ZNF140: variants seen among roughly 807,000 people sequenced by gnomAD.
ZNF140 encodes zinc finger protein 140, also known as zinc finger protein 140 (clone pHZ-39).
A neutral mutation model predicts 12.9 loss-of-function variants in ZNF140; 13 were observed. That is an observed-to-expected ratio of 1.01 (90% CI 0.66 to 1.60). The LOEUF (loss-of-function observed/expected upper bound fraction) is 1.60, where lower values mean the gene tolerates loss of function less well. Among genes scored for constraint, ZNF140 ranks in the 40% most tolerant of loss-of-function variants. The pLI is 0.00. For synonymous variants in ZNF140, 214 were observed against 186.7 expected (o/e 1.15, Z -1.19); for missense variants, 531 against 548.8 (o/e 0.97, Z 0.32).
rs1955628897 is a variant in ZNF140 at position 133,107,156 on chromosome 12, A to C, written c.*505A>C. The C allele has an allele frequency of 6.5e-6, 1 of 152,758 alleles. No individual in the cohort carries two copies. The highest frequency in any genetic ancestry group is 1.5e-5 in the Non-Finnish European group (1 of 68,462). The allele number at this position is 152,758 out of a possible 1,614,324, so 9.5% of individuals were successfully genotyped here. A position where few individuals can be genotyped will look rare whatever the true frequency, so the allele number is the denominator to read the frequency against. On this transcript the variant is annotated 3_prime_UTR_variant, in exon 5 of 5. Coordinates refer to ENST00000355557, the MANE Select transcript of ZNF140 (RefSeq NM_003440.4). ...TTGGGAATGCCTTCATTTACAATGC[A>C]ATACTTACATTTTAATACTCTTGTA... is the stretch of plus-strand genomic sequence containing the variant.
intron 4 of ZNF140, among the ~76,000 whole-genome samples, chr12:133,088,517 A>G (rs2137504007): frequency 1.3e-5 from 2 of 152,342 alleles, no homozygotes; most frequent in South Asian, 4.1e-4. Context: ...CTACTTAAGG[A>G]CATTGTGGTT....
Position 133,100,160 on chromosome 12 carries a change from G to GTTTTTTTTTTTTTTTT in ZNF140, c.233-5338_233-5323dup, listed in dbSNP as rs58610589. ...CATCCAAAAATTTAATGCCTTTTCC[G>GTTTTTTTTTTTTTTTT]TTTTTTTTTTTTTTTTTTTTTTTTT... is the stretch of plus-strand genomic sequence containing the variant. On this transcript the variant is annotated intron_variant, in intron 4 of 4. Coordinates refer to ENST00000355557, the MANE Select transcript of ZNF140 (RefSeq NM_003440.4). 4.9e-5 allele frequency among the ~76,000 whole-genome samples: 3 copies of GTTTTTTTTTTTTTTTT among 60,978 alleles called. 1 individual carries two copies. The highest frequency in any genetic ancestry group is 2.4e-4 in the African/African-American group (3 of 12,612). 40.0% of individuals were successfully genotyped at this position (60,978 alleles called of 152,430 possible).
At chr12:133,094,042 A>C (rs1291385101) in intron 4 of ZNF140, among the ~76,000 whole-genome samples, 1 of 151,154 alleles carries the variant, frequency 6.6e-6, no homozygotes, top group Admixed American at 6.6e-5. Flanking sequence ...TTTCCCAAAT[A>C]ATGAAAAGGA....
At chr12:133,081,249 A>T in intron 1 of ZNF140, 24 bp from the exon 2 acceptor site, 2 of 1,414,736 alleles carry the variant, frequency 1.4e-6, no homozygotes, top group Non-Finnish European at 9.7e-7. Flanking sequence ...CTGTTCGCTC[A>T]GGGCTCCTTT....
At chr12:133,097,026 G>T (rs369283612) in intron 4 of ZNF140, among the ~76,000 whole-genome samples, 2,407 of 152,286 alleles carry the variant, frequency 0.016, 51 homozygotes, top group African/African-American at 0.054. Flanking sequence ...AATGTATTTT[G>T]ATGGTTTGTT....
At chr12:133,089,725 A>G (rs1954792946) in intron 4 of ZNF140, among the ~76,000 whole-genome samples, 1 of 152,052 alleles carries the variant, frequency 6.6e-6, no homozygotes, top group Non-Finnish European at 1.5e-5. Context: ...TTAATAATGT[A>G]TGACATCTTT....
chr12:133,101,631 A>G, intron 4 of ZNF140, among the ~76,000 whole-genome samples: 1 of 152,104 alleles, frequency 6.6e-6, no homozygotes, highest in African/African-American at 2.4e-5. Context: ...TTTTTAGTAG[A>G]GACGGGTTTC....
intron 4 of ZNF140, among the ~76,000 whole-genome samples, chr12:133,094,745 C>T (rs2137534012): frequency 6.6e-6 from 1 of 151,396 alleles, no homozygotes; most frequent in East Asian, 1.9e-4. Flanking sequence ...AGCCAAGTCG[C>T]AGCAAGCGTA....
At chr12:133,100,229 G>A (rs921142113) in intron 4 of ZNF140, among the ~76,000 whole-genome samples, 4 of 125,242 alleles carry the variant, frequency 3.2e-5, no homozygotes, top group Non-Finnish European at 6.3e-5. Context: ...GTGCAGTGGT[G>A]TTATCATAGC....
At position 133,106,222 on chromosome 12, in the gene ZNF140, C is replaced by G. The variant is rs1330551952; in HGVS notation, c.945C>G (p.His315Gln). The change falls in exon 5 of 5, where the codon CAC (histidine) becomes CAG (glutamine). Residue 315 changes from histidine to glutamine, a missense_variant. His to Gln is a conservative substitution (Grantham distance 24). Coordinates refer to ENST00000355557, the MANE Select transcript of ZNF140 (RefSeq NM_003440.4). Reference protein sequence around the residue: ...ECGKAFRRFSHLTRHQSIHTT... With the variant: ...ECGKAFRRFSQLTRHQSIHTT... Reference sequence around the variant, plus strand: ...GGAAGGCATTTCGCCGTTTCTCACACCTTACTCGACATCAGAGCATCCATA... The same window carrying G: ...GGAAGGCATTTCGCCGTTTCTCACAGCTTACTCGACATCAGAGCATCCATA... The G allele has an allele frequency of 3.7e-6, 6 of 1,614,092 alleles. No homozygotes were observed. Among genetic ancestry groups the G allele is most frequent in the Admixed American group, 1.7e-5 (1 of 60,006 alleles).
At chr12:133,095,716 G>A (rs1593777260) in intron 4 of ZNF140, among the ~76,000 whole-genome samples, 3 of 151,636 alleles carry the variant, frequency 2.0e-5, no homozygotes, top group African/African-American at 7.3e-5. Context: ...TAAGGAGAAG[G>A]TCAGCAAAAA....
At chr12:133,090,448 G>T (rs1371583922) in intron 4 of ZNF140, among the ~76,000 whole-genome samples, 5 of 152,090 alleles carry the variant, frequency 3.3e-5, no homozygotes, top group Non-Finnish European at 7.4e-5. Context: ...TGGGTCCTTT[G>T]CTCTGATTTT....
chr12:133,098,330 G>T (rs1406238229), intron 4 of ZNF140, among the ~76,000 whole-genome samples: 1 of 152,006 alleles, frequency 6.6e-6, no homozygotes, highest in Non-Finnish European at 1.5e-5. Flanking sequence ...TCCACCTCCC[G>T]AGTTCAACAG....
In ZNF140 at chr12:133,106,310, ATT is replaced by A. The variant is rs1169323933; in HGVS notation, c.1034_1035del (p.Ile345LysfsTer13). ...AGCTTTCCGTTGTCACTCATTCCTT[ATT>A]AAACATCAGAGAATTCATGCTGGAG... ...RKAFRCHSFL[I>X]KHQRIHAGEK... On this transcript the variant is annotated frameshift_variant, in exon 5 of 5. Coordinates refer to ENST00000355557, the MANE Select transcript of ZNF140 (RefSeq NM_003440.4). LOFTEE classifies it low-confidence loss of function (END_TRUNC). The A allele has an allele frequency of 1.2e-6, 2 of 1,614,080 alleles. No individual in the cohort carries two copies. Among genetic ancestry groups the A allele is most frequent in the Non-Finnish European group, 1.7e-6 (2 of 1,180,026 alleles).
chr12:133,080,747 C>T (rs1168959442), upstream of ZNF140: 1 of 152,374 alleles, frequency 6.6e-6, no homozygotes, highest in Non-Finnish European at 1.5e-5. Flanking sequence ...GGCACGGCAG[C>T]GAGGCGCTCT....
chr12:133,091,935 C>T lies in ZNF140; in HGVS notation c.232+8374C>T, dbSNP rs938400305. ...CTCGAGGTGTAATACAAAAATCTGA[C>T]GTAGTCCAGTCACACTAACTGAAAA... is the stretch of plus-strand genomic sequence containing the variant. On this transcript the variant is annotated intron_variant, in intron 4 of 4. Transcript: ENST00000355557. Among the ~76,000 whole-genome samples, 3 of 151,282 alleles carry T rather than the reference C, an allele frequency of 2.0e-5. 1 individual carries two copies. In the South Asian group the frequency reaches 6.3e-4, roughly 32 times the overall value.
intron 4 of ZNF140, among the ~76,000 whole-genome samples, chr12:133,100,778 G>A (rs1170058550): frequency 6.6e-6 from 1 of 152,140 alleles, no homozygotes; most frequent in Non-Finnish European, 1.5e-5. Context: ...TTGAACACAA[G>A]CACTACGATA....
At position 133,081,319 on chromosome 12, in the gene ZNF140, CT is replaced by C; in HGVS notation, c.-1del. 6.8e-7 allele frequency: 1 copy of C among 1,475,416 alleles called. No homozygotes were observed. The highest frequency in any genetic ancestry group is 9.2e-7 in the Non-Finnish European group (1 of 1,086,480). The allele number at this position is 1,475,416 out of a possible 1,614,324, so 91.4% of individuals were successfully genotyped here. ...TGATCTCCTCCTTCCCTTCTGTGAG[CT>C]ATGTCTCAGGTAAGCTAATGATTGA... On this transcript the variant is annotated 5_prime_UTR_variant, in exon 2 of 5. Transcript: ENST00000355557.
chr12:133,083,668 A>T, intron 4 of ZNF140, 107 bp downstream of exon 4: 1 of 1,073,908 alleles, frequency 9.3e-7, no homozygotes, highest in Middle Eastern at 2.1e-4. Context: ...CCTTAAAGAT[A>T]CTAGAGATAC....
Sources: allele counts gnomAD v4.1 joint callset (sites outside exome capture counted in the v4.1 genomes callset), GRCh38; gene constraint gnomAD v4.1.1; transcripts MANE v1.5; gene names NCBI Gene and HGNC (gene_info 2026-07-23, HGNC 2026-07-21).